PALLD: variants seen among roughly 807,000 people sequenced by gnomAD.
The protein encoded by PALLD is palladin.
A neutral mutation model predicts 123.5 loss-of-function variants in PALLD; 61 were observed. The observed-to-expected ratio is 0.49, with a 90% CI of 0.40 to 0.61. PALLD has a LOEUF of 0.61. PALLD is among the 20% of genes least tolerant of loss of function. The pLI is 0.00. For synonymous variants in PALLD, 465 were observed against 496.4 expected (o/e 0.94, Z 0.84); for missense variants, 1,273 against 1,377.0 (o/e 0.92, Z 1.20).
chr4:168,694,813 TG>T (rs1385601557), intron 8 of PALLD, among the ~76,000 whole-genome samples: 1 of 152,240 alleles, frequency 6.6e-6, no homozygotes, highest in East Asian at 1.9e-4. Context: ...CTTTTCAGAC[TG>T]TTTTGTGAAT....
chr4:168,914,679 T>C (rs943125733), intron 16 of PALLD, among the ~76,000 whole-genome samples: 7 of 152,214 alleles, frequency 4.6e-5, no homozygotes, highest in African/African-American at 1.7e-4. Context: ...AAGTCAACCA[T>C]CCTGTCAACT....
rs140686498 is a variant in PALLD, at chr4:168,830,362, C to CAA, written c.1965-60552_1965-60551dup. On this transcript the variant is annotated intron_variant, in intron 10 of 21. Transcript: ENST00000505667. ...CAACATAGCGAGACGTTGTCTTGAA[C>CAA]AAAAAAAAATGTTTTAAATTAGCTG... Among the ~76,000 whole-genome samples the CAA allele has an allele frequency of 1.9e-4, 28 of 150,480 alleles. 1 individual carries two copies. The highest frequency in any genetic ancestry group is 3.4e-3 in the Middle Eastern group (1 of 294).
intron 2 of PALLD, among the ~76,000 whole-genome samples, chr4:168,557,583 C>G (rs908198035): frequency 2.0e-5 from 3 of 152,208 alleles, no homozygotes; most frequent in South Asian, 2.1e-4. Flanking sequence ...ATCAATTCCT[C>G]TTGTCCCCTA....
intron 2 of PALLD, among the ~76,000 whole-genome samples, chr4:168,527,032 A>T (rs1764113795): frequency 6.6e-6 from 1 of 152,208 alleles, no homozygotes; most frequent in African/African-American, 2.4e-5. Flanking sequence ...ATTAATATGC[A>T]ACAGTCTCCT....
At chr4:168,696,631 C>A (rs1783153769) in intron 8 of PALLD, among the ~76,000 whole-genome samples, 1 of 151,666 alleles carries the variant, frequency 6.6e-6, no homozygotes, top group Non-Finnish European at 1.5e-5. Context: ...CAAACAAAAT[C>A]TCTCTTAAAG....
At chr4:168,823,070 T>C (rs1039906924) in intron 10 of PALLD, among the ~76,000 whole-genome samples, 4 of 152,190 alleles carry the variant, frequency 2.6e-5, no homozygotes, top group Admixed American at 2.0e-4. Context: ...TTTATAGTTG[T>C]ATTGGTATAA....
intron 10 of PALLD, among the ~76,000 whole-genome samples, chr4:168,872,978 C>T (rs183702565): frequency 3.2e-4 from 49 of 152,306 alleles, no homozygotes; most frequent in Middle Eastern, 3.4e-3. Context: ...ATTGAAGTCT[C>T]ATGCATATGA....
At chr4:168,695,374 T>C (rs1275368328) in intron 8 of PALLD, among the ~76,000 whole-genome samples, 1 of 152,236 alleles carries the variant, frequency 6.6e-6, no homozygotes, top group Non-Finnish European at 1.5e-5. Context: ...ATGAAACTTA[T>C]AGTTCACCAA....
chr4:168,803,058 T>C (rs1739588535), intron 10 of PALLD, among the ~76,000 whole-genome samples: 1 of 152,160 alleles, frequency 6.6e-6, no homozygotes, highest in South Asian at 2.1e-4. Flanking sequence ...TTCTGTATGT[T>C]AAAAATGATT....
At chr4:168,622,314 A>G (rs1419078017) in intron 2 of PALLD, among the ~76,000 whole-genome samples, 1 of 152,208 alleles carries the variant, frequency 6.6e-6, no homozygotes, top group Non-Finnish European at 1.5e-5. Flanking sequence ...TTTTCTTTGC[A>G]TGACCACAAC....
intron 10 of PALLD, among the ~76,000 whole-genome samples, chr4:168,809,984 G>A (rs542757399): frequency 6.6e-6 from 1 of 152,204 alleles, no homozygotes; most frequent in South Asian, 2.1e-4. Context: ...TGGGGGCAAG[G>A]AGTGGAGGTC....
At chr4:168,647,571 A>G (rs533736967) in intron 2 of PALLD, among the ~76,000 whole-genome samples, 2 of 152,146 alleles carry the variant, frequency 1.3e-5, no homozygotes, top group African/African-American at 2.4e-5. Context: ...ATCTGAGGTC[A>G]GGAGTTCGAG....
chr4:168,834,351 A>T (rs114565040), intron 10 of PALLD, among the ~76,000 whole-genome samples: 2,338 of 152,308 alleles, frequency 0.015, 51 homozygotes, highest in African/African-American at 0.053. Flanking sequence ...CTTAGTAAAC[A>T]ATAAACAGGT....
intron 2 of PALLD, among the ~76,000 whole-genome samples, chr4:168,543,226 C>T (rs929704669): frequency 3.3e-5 from 5 of 151,834 alleles, no homozygotes; most frequent in South Asian, 2.1e-4. Flanking sequence ...AAAATGGAGA[C>T]GATACTACTG....
rs143234536 is a variant in PALLD, at chr4:168,920,858, A to G, written c.2851-676A>G. 4.8e-3 allele frequency among the ~76,000 whole-genome samples: 737 copies of G among 152,330 alleles called. 8 individuals carry two copies. The highest frequency in any genetic ancestry group is 5.5e-3 in the Admixed American group (84 of 15,300). ...TGAGAAGCTTTACAGTACTATATATAAATGCCAGCTGAGTATTTGTTATTA... is the reference window on the plus strand; with the variant it reads ...TGAGAAGCTTTACAGTACTATATATGAATGCCAGCTGAGTATTTGTTATTA... On this transcript the variant is annotated intron_variant, in intron 17 of 21. Coordinates refer to ENST00000505667, the MANE Select transcript of PALLD (RefSeq NM_001166108.2).
At chr4:168,751,009 C>T (rs868118707) in intron 10 of PALLD, among the ~76,000 whole-genome samples, 38 of 144,766 alleles carry the variant, frequency 2.6e-4, no homozygotes, top group Admixed American at 9.6e-4. Flanking sequence ...TGTGTGTCTG[C>T]GTGTGTATTT....
chr4:168,879,114 T>C (rs2151127352), intron 10 of PALLD, among the ~76,000 whole-genome samples: 1 of 152,326 alleles, frequency 6.6e-6, no homozygotes, highest in Admixed American at 6.5e-5. Flanking sequence ...GCCAGTTTTG[T>C]CCCTGGCCTG....
At chr4:168,625,504 T>TG (rs1775157539) in intron 2 of PALLD, among the ~76,000 whole-genome samples, 2 of 135,924 alleles carry the variant, frequency 1.5e-5, no homozygotes, top group Admixed American at 1.6e-4. Context: ...ATCCAGGAGA[T>TG]ATATATATAT....
chr4:168,818,974 T>G (rs1487472883), intron 10 of PALLD, among the ~76,000 whole-genome samples: 2 of 152,182 alleles, frequency 1.3e-5, no homozygotes, highest in Non-Finnish European at 2.9e-5. Flanking sequence ...AGGTAGATTT[T>G]TTGTCATCTT....
Sources: allele counts gnomAD v4.1 joint callset (sites outside exome capture counted in the v4.1 genomes callset), GRCh38; gene constraint gnomAD v4.1.1; transcripts MANE v1.5; gene names NCBI Gene and HGNC (gene_info 2026-07-23, HGNC 2026-07-21).